TTLL5: variants seen among roughly 807,000 people sequenced by gnomAD.
TTLL5 encodes tubulin tyrosine ligase like 5.
A neutral mutation model predicts 168.4 loss-of-function variants in TTLL5; 132 were observed. The observed-to-expected ratio is 0.78, with a 90% CI of 0.68 to 0.91. The LOEUF is 0.91. Among genes scored for constraint, TTLL5 ranks in the 40% least tolerant of loss-of-function variants. The probability of loss-of-function intolerance (pLI) is 0.00; values close to 1 mark genes in which losing one functional copy is unlikely to be tolerated. For missense variants in TTLL5, 1,545 were observed against 1,581.5 expected (o/e 0.98, Z 0.39); for synonymous variants, 546 against 558.6 (o/e 0.98, Z 0.32).
At chr14:75,800,123 TA>T (rs1274496962) in intron 27 of TTLL5, among the ~76,000 whole-genome samples, 1 of 152,222 alleles carries the variant, frequency 6.6e-6, no homozygotes, top group East Asian at 1.9e-4. Context: ...TTTGGTCGTT[TA>T]ACATAATCCC....
intron 27 of TTLL5, among the ~76,000 whole-genome samples, chr14:75,798,254 G>A (rs1347982986): frequency 2.0e-5 from 3 of 151,926 alleles, no homozygotes; most frequent in Non-Finnish European, 1.5e-5. Flanking sequence ...GTAGCCTTGA[G>A]TTATCTTTTG....
At chr14:75,787,051 T>G (rs1892408794) in intron 26 of TTLL5, among the ~76,000 whole-genome samples, 1 of 152,076 alleles carries the variant, frequency 6.6e-6, no homozygotes, top group Admixed American at 6.6e-5. Flanking sequence ...GAGAATTGCT[T>G]GAACCCGGGA....
chr14:75,767,720 G>A lies in TTLL5; in HGVS notation c.2015+1352G>A, dbSNP rs184099566. 5.3e-5 allele frequency among the ~76,000 whole-genome samples: 8 copies of A among 152,330 alleles called. No homozygotes were observed. The East Asian group carries it at 1.5e-3, about 29-fold the overall frequency. Reference sequence around the variant, plus strand: ...CTTTTAAGCAGATAAATGATACGGTGAGATCTTGTTTTAGAAAGTAAATCG... The same window carrying A: ...CTTTTAAGCAGATAAATGATACGGTAAGATCTTGTTTTAGAAAGTAAATCG... On this transcript the variant is annotated intron_variant, in intron 20 of 31. Coordinates refer to ENST00000298832, the MANE Select transcript of TTLL5 (RefSeq NM_015072.5).
chr14:75,813,488 A>T (rs1894194340), intron 27 of TTLL5, among the ~76,000 whole-genome samples: 1 of 151,952 alleles, frequency 6.6e-6, no homozygotes, highest in African/African-American at 2.4e-5. Context: ...TTTTTAGTGG[A>T]GAAGGGGTTT....
chr14:75,897,490 T>A (rs930458242), intron 30 of TTLL5, among the ~76,000 whole-genome samples: 1 of 152,200 alleles, frequency 6.6e-6, no homozygotes. Flanking sequence ...TTATTTATTT[T>A]TTGAGATGGG....
At chr14:75,848,130 C>G (rs1896655295) in intron 28 of TTLL5, among the ~76,000 whole-genome samples, 1 of 151,882 alleles carries the variant, frequency 6.6e-6, no homozygotes, top group Non-Finnish European at 1.5e-5. Flanking sequence ...AGGAAGGGGG[C>G]AGAGGCAGGT....
chr14:75,863,212 G>A (rs73317404), intron 28 of TTLL5, among the ~76,000 whole-genome samples: 1 of 152,028 alleles, frequency 6.6e-6, no homozygotes, highest in Non-Finnish European at 1.5e-5. Flanking sequence ...TTAACTGATG[G>A]GTGGTTGAGA....
At chr14:75,709,008 T>G (rs1240095314) in intron 9 of TTLL5, among the ~76,000 whole-genome samples, 2 of 152,166 alleles carry the variant, frequency 1.3e-5, no homozygotes, top group Non-Finnish European at 1.5e-5. Context: ...TTGAGAAACT[T>G]TATAAATTTG....
At chr14:75,683,336 GT>G (rs2140121951) in intron 4 of TTLL5, among the ~76,000 whole-genome samples, 1 of 152,350 alleles carries the variant, frequency 6.6e-6, no homozygotes, top group Admixed American at 6.5e-5. Flanking sequence ...ATTTATTTTA[GT>G]TTCTGCATCG....
intron 26 of TTLL5, among the ~76,000 whole-genome samples, chr14:75,787,257 C>T (rs966337048): frequency 6.6e-6 from 1 of 151,970 alleles, no homozygotes; most frequent in African/African-American, 2.4e-5. Flanking sequence ...ATGCTGTTTA[C>T]CAGAGGCACA....
At chr14:75,744,396 T>C (rs1028234879) in intron 15 of TTLL5, 2 of 152,242 alleles carry the variant, frequency 1.3e-5, no homozygotes, top group Non-Finnish European at 2.9e-5. Flanking sequence ...CTCATCATCA[T>C]GTAGAAGCTG....
intron 30 of TTLL5, among the ~76,000 whole-genome samples, chr14:75,885,050 G>A (rs1489550767): frequency 2.0e-5 from 3 of 151,518 alleles, no homozygotes; most frequent in East Asian, 2.0e-4. Flanking sequence ...GCAGGCACCC[G>A]AGTGGTACCA....
At chr14:75,730,664 C>G (rs1277902001) in intron 12 of TTLL5, among the ~76,000 whole-genome samples, 4 of 151,718 alleles carry the variant, frequency 2.6e-5, no homozygotes, top group Admixed American at 2.6e-4. Flanking sequence ...AAAGAAATCT[C>G]AGAGAGAGAA....
At chr14:75,899,575 AG>A (rs2032828158) in intron 30 of TTLL5, among the ~76,000 whole-genome samples, 1 of 152,208 alleles carries the variant, frequency 6.6e-6, no homozygotes, top group Non-Finnish European at 1.5e-5. Context: ...TCTACATCAC[AG>A]GGAGAATGGG....
At chr14:75,872,038 T>C (rs2031079563) in intron 29 of TTLL5, among the ~76,000 whole-genome samples, 3 of 152,208 alleles carry the variant, frequency 2.0e-5, no homozygotes, top group Non-Finnish European at 2.9e-5. Context: ...TTATAAGTAC[T>C]AACAAATAAA....
intron 30 of TTLL5, among the ~76,000 whole-genome samples, chr14:75,899,166 T>C (rs1442201579): frequency 6.6e-6 from 1 of 152,258 alleles, no homozygotes; most frequent in East Asian, 1.9e-4. Context: ...TTCACCATCT[T>C]ACGTAGTCTT....
intron 28 of TTLL5, among the ~76,000 whole-genome samples, chr14:75,861,480 G>A (rs377469396): frequency 1.2e-4 from 18 of 152,288 alleles, no homozygotes; most frequent in African/African-American, 4.3e-4. Context: ...ACCCTATGTG[G>A]CTTTTAGGTG....
chr14:75,859,265 A>G (rs1897290649), intron 28 of TTLL5, among the ~76,000 whole-genome samples: 1 of 152,238 alleles, frequency 6.6e-6, no homozygotes, highest in African/African-American at 2.4e-5. Flanking sequence ...TAGCTCTTCA[A>G]TGTTTATTGG....
chr14:75,863,394 G>T (rs2030195578), intron 28 of TTLL5, among the ~76,000 whole-genome samples: 1 of 152,124 alleles, frequency 6.6e-6, no homozygotes. Context: ...TATTTCAGTT[G>T]TTTTACATCC....
Sources: allele counts gnomAD v4.1 joint callset (sites outside exome capture counted in the v4.1 genomes callset), GRCh38; gene constraint gnomAD v4.1.1; transcripts MANE v1.5; gene names NCBI Gene and HGNC (gene_info 2026-07-23, HGNC 2026-07-21).